The following NSRP1 variants were observed in gnomAD, a reference collection of about 807,000 sequenced individuals.
NSRP1 encodes the protein coiled-coil domain containing 55.
Under a neutral mutation model 54.7 loss-of-function variants are expected in NSRP1, and 24 were observed. The observed-to-expected ratio is 0.44, with a 90% CI of 0.32 to 0.62. The LOEUF is 0.62. Among genes scored for constraint, NSRP1 ranks in the 20% least tolerant of loss-of-function variants. The pLI, the probability that NSRP1 is intolerant of heterozygous loss-of-function variation, is 0.06. For missense variants in NSRP1, 596 were observed against 651.2 expected (o/e 0.92, Z 0.92); for synonymous variants, 210 against 213.8 (o/e 0.98, Z 0.15).
Position 30,152,663 on chromosome 17 carries a change from T to C in NSRP1, c.115-19879T>C, listed in dbSNP as rs11867984. 2.4e-3 allele frequency among the ~76,000 whole-genome samples: 366 copies of C among 152,146 alleles called. 1 individual carries two copies. Among genetic ancestry groups the C allele is most frequent in the African/African-American group, 8.6e-3 (357 of 41,544 alleles). ...AGTTGTTCCAGCACCATTTATTGAA[T>C]AGACTGTTCTTTCCCCTTTGAATTG... On this transcript the variant is annotated intron_variant, in intron 2 of 6. Coordinates refer to ENST00000247026, the MANE Select transcript of NSRP1 (RefSeq NM_032141.4).
At chr17:30,172,244 ATAAG>A (rs909970867) in intron 2 of NSRP1, among the ~76,000 whole-genome samples, 22 of 152,300 alleles carry the variant, frequency 1.4e-4, no homozygotes, top group African/African-American at 5.3e-4. Flanking sequence ...ACTTTTAACT[ATAAG>A]TAAGGCACCA....
At chr17:30,171,972 A>ACACCCCCT (rs1169988659) in intron 2 of NSRP1, among the ~76,000 whole-genome samples, 1 of 46,588 alleles carries the variant, frequency 2.1e-5, no homozygotes, top group African/African-American at 6.2e-5. Context: ...ACACACACAC[A>ACACCCCCT]CTCCCTCTCT....
intron 2 of NSRP1, among the ~76,000 whole-genome samples, chr17:30,121,330 T>C (rs1158798919): frequency 6.6e-6 from 1 of 151,846 alleles, no homozygotes; most frequent in East Asian, 1.9e-4. Context: ...AGGTGAGAGA[T>C]CTCAACCTAG....
intron 1 of NSRP1, 23 bp downstream of exon 1, chr17:30,116,886 T>C: frequency 6.4e-7 from 1 of 1,567,416 alleles, no homozygotes; most frequent in East Asian, 2.4e-5. Flanking sequence ...GGAGTTAGGG[T>C]CAGGCTGGGG....
At chr17:30,169,972 G>A (rs750452467) in intron 2 of NSRP1, among the ~76,000 whole-genome samples, 3 of 151,806 alleles carry the variant, frequency 2.0e-5, no homozygotes, top group Non-Finnish European at 4.4e-5. Context: ...TTACACATAT[G>A]TTTTTATGTA....
intron 1 of NSRP1, chr17:30,117,148 C>T (rs764015534): frequency 2.8e-6 from 2 of 725,864 alleles, no homozygotes; most frequent in Admixed American, 1.9e-5. Context: ...TCTGAGGCCC[C>T]TCAGTCTTGC....
intron 2 of NSRP1, among the ~76,000 whole-genome samples, chr17:30,160,323 A>T (rs572153107): frequency 6.6e-6 from 1 of 152,270 alleles, no homozygotes; most frequent in East Asian, 1.9e-4. Context: ...GCTTCACAGA[A>T]TGAGTTAGGA....
intron 1 of NSRP1, 120 bp from the exon 2 acceptor site, chr17:30,117,960 G>A: frequency 2.7e-6 from 2 of 742,620 alleles, no homozygotes; most frequent in South Asian, 3.6e-5. Context: ...AGTCTGTTAC[G>A]TGTTCATAAA....
At chr17:30,130,688 A>G (rs140279104) in intron 2 of NSRP1, among the ~76,000 whole-genome samples, 1 of 152,250 alleles carries the variant, frequency 6.6e-6, no homozygotes, top group Non-Finnish European at 1.5e-5. Context: ...ACTTTTTTTA[A>G]TTGGCTTGGA....
chr17:30,157,924 C>A (rs1904368136), intron 2 of NSRP1, among the ~76,000 whole-genome samples: 1 of 152,126 alleles, frequency 6.6e-6, no homozygotes, highest in South Asian at 2.1e-4. Context: ...GATTCCATAT[C>A]TTTGCTATTG....
At chr17:30,162,259 C>G (rs2143006183) in intron 2 of NSRP1, among the ~76,000 whole-genome samples, 1 of 152,224 alleles carries the variant, frequency 6.6e-6, no homozygotes, top group Admixed American at 6.5e-5. Context: ...CTTGATCTCC[C>G]AACCTCATGA....
chr17:30,175,514 A>G (rs1023456492), intron 3 of NSRP1, among the ~76,000 whole-genome samples: 8 of 148,742 alleles, frequency 5.4e-5, no homozygotes, highest in African/African-American at 2.0e-4. Context: ...GCTCACTGCA[A>G]CCTCCACCTC....
chr17:30,166,318 A>G (rs558917202), intron 2 of NSRP1, among the ~76,000 whole-genome samples: 2 of 152,338 alleles, frequency 1.3e-5, no homozygotes, highest in South Asian at 4.1e-4. Flanking sequence ...CAGTTATTAT[A>G]TAAGTTTTGT....
At chr17:30,177,877 T>TTTG in intron 3 of NSRP1, 194 bp from the exon 4 acceptor site, 1 of 651,054 alleles carries the variant, frequency 1.5e-6, no homozygotes, top group Admixed American at 2.8e-5. Context: ...TTGCCCGGAG[T>TTTG]AATTAGTAAG....
At chr17:30,117,218 A>G (rs1369708180) in intron 1 of NSRP1, 2 of 632,274 alleles carry the variant, frequency 3.2e-6, no homozygotes, top group East Asian at 5.5e-5. Context: ...GTGTGAAGAG[A>G]GACAGTTCCT....
At chr17:30,143,761 T>C (rs895134246) in intron 2 of NSRP1, among the ~76,000 whole-genome samples, 1 of 152,168 alleles carries the variant, frequency 6.6e-6, no homozygotes, top group African/African-American at 2.4e-5. Flanking sequence ...TTATTAAATA[T>C]TTGCATTTCC....
At chr17:30,173,033 G>A (rs1004217898) in intron 3 of NSRP1, among the ~76,000 whole-genome samples, 3 of 150,590 alleles carry the variant, frequency 2.0e-5, no homozygotes, top group African/African-American at 7.3e-5. Flanking sequence ...GTGCACTCTC[G>A]GCTCACTGCA....
At chr17:30,146,889 G>A (rs144925091) in intron 2 of NSRP1, among the ~76,000 whole-genome samples, 162 of 152,292 alleles carry the variant, frequency 1.1e-3, no homozygotes, top group African/African-American at 3.6e-3. Context: ...CCACACCTGA[G>A]CCTAATCAGA....
chr17:30,145,393 G>A (rs978065734), intron 2 of NSRP1, among the ~76,000 whole-genome samples: 9 of 152,136 alleles, frequency 5.9e-5, no homozygotes, highest in Admixed American at 3.9e-4. Flanking sequence ...GACCATTCTG[G>A]CCAACATGGT....
Sources: allele counts gnomAD v4.1 joint callset (sites outside exome capture counted in the v4.1 genomes callset), GRCh38; gene constraint gnomAD v4.1.1; transcripts MANE v1.5; gene names NCBI Gene and HGNC (gene_info 2026-07-23, HGNC 2026-07-21).